CD2AP: variants seen among roughly 807,000 people sequenced by gnomAD.
CD2AP encodes the protein CD2 associated protein, also known as CD2-associated protein.
A neutral mutation model predicts 85.1 loss-of-function variants in CD2AP; 46 were observed. That is an observed-to-expected ratio of 0.54 (90% CI 0.43 to 0.69). The LOEUF (loss-of-function observed/expected upper bound fraction) is 0.69. Among genes scored for constraint, CD2AP ranks in the 30% least tolerant of loss-of-function variants. CD2AP has a pLI of 0.00. For synonymous variants in CD2AP, 255 were observed against 252.9 expected (o/e 1.01, Z -0.08); for missense variants, 769 against 729.5 (o/e 1.05, Z -0.62).
At chr6:47,491,618 A>G (rs1765738253) in intron 1 of CD2AP, among the ~76,000 whole-genome samples, 1 of 152,056 alleles carries the variant, frequency 6.6e-6, no homozygotes, top group Non-Finnish European at 1.5e-5. Flanking sequence ...ACTTATGCCT[A>G]TTTGGAATTT....
chr6:47,580,213 C>T lies in CD2AP; in HGVS notation c.1009-651C>T, dbSNP rs544665913. On this transcript the variant is annotated intron_variant, in intron 9 of 17. Transcript: ENST00000359314. ...TATTTTATAGTTTTACTAAAGAATA[C>T]GTTTTTCTGCTTTTATTATGTTTGT... Among the ~76,000 whole-genome samples the T allele has an allele frequency of 7.2e-5, 11 of 152,230 alleles. No homozygotes were observed. In the South Asian group the frequency reaches 1.9e-3, roughly 26 times the overall value.
chr6:47,577,102 A>T lies in CD2AP; in HGVS notation c.902A>T (p.Lys301Met), dbSNP rs141778404. The change falls in exon 8 of 18, where the codon AAG (lysine) becomes ATG (methionine). Residue 301 changes from lysine to methionine, a missense_variant and splice_region_variant. Transcript: ENST00000359314. ...KEGEIIHLISKETGEAGWWRG... is the reference protein window; with the variant it reads ...KEGEIIHLISMETGEAGWWRG... ...GGGGAGATAATCCATTTGATAAGTA[A>T]GGTAAGGTGTTTCTGTTTTTCAGTG... The T allele has an allele frequency of 1.9e-4, 279 of 1,465,330 alleles. 5 individuals carry two copies. The Middle Eastern group carries it at 0.018, about 93-fold the overall frequency. 90.8% of individuals were successfully genotyped at this position (1,465,330 alleles called of 1,614,324 possible). A position where few individuals can be genotyped will look rare whatever the true frequency, so the allele number is the denominator to read the frequency against.
intron 5 of CD2AP, among the ~76,000 whole-genome samples, chr6:47,559,599 T>G (rs1233537700): frequency 6.6e-6 from 1 of 152,098 alleles, no homozygotes; most frequent in African/African-American, 2.4e-5. Flanking sequence ...ATTTTAAAAT[T>G]TAATAGATGA....
intron 4 of CD2AP, among the ~76,000 whole-genome samples, chr6:47,550,622 A>T (rs1246749064): frequency 1.3e-5 from 2 of 152,224 alleles, no homozygotes; most frequent in East Asian, 3.8e-4. Context: ...TATGGAAAAC[A>T]GTGTGGAGAT....
At chr6:47,595,214 A>G (rs904777006) in intron 11 of CD2AP, among the ~76,000 whole-genome samples, 5 of 151,968 alleles carry the variant, frequency 3.3e-5, no homozygotes, top group African/African-American at 9.7e-5. Flanking sequence ...AAAATTGTCA[A>G]AATTGTTTTT....
intron 1 of CD2AP, among the ~76,000 whole-genome samples, chr6:47,498,558 T>G (rs1375377763): frequency 6.6e-6 from 1 of 152,194 alleles, no homozygotes; most frequent in East Asian, 1.9e-4. Context: ...TTGGATTGAT[T>G]GGGCCTTTTC....
intron 17 of CD2AP, among the ~76,000 whole-genome samples, chr6:47,623,462 C>T (rs530539247): frequency 2.2e-4 from 34 of 152,294 alleles, no homozygotes; most frequent in African/African-American, 7.9e-4. Flanking sequence ...TCCTGTGTCA[C>T]TTGTTAGTGT....
chr6:47,591,952 G>A (rs1190001695), intron 11 of CD2AP, among the ~76,000 whole-genome samples: 1 of 152,042 alleles, frequency 6.6e-6, no homozygotes, highest in Non-Finnish European at 1.5e-5. Context: ...GGCCTCCAGA[G>A]TAGCTGGGAC....
chr6:47,608,434 T>TTG (rs901009567), intron 15 of CD2AP, among the ~76,000 whole-genome samples: 1 of 152,138 alleles, frequency 6.6e-6, no homozygotes, highest in African/African-American at 2.4e-5. Flanking sequence ...CTTTCATCTG[T>TTG]TACATGTGTT....
chr6:47,600,490 A>G (rs1158342364), intron 13 of CD2AP, among the ~76,000 whole-genome samples: 1 of 151,930 alleles, frequency 6.6e-6, no homozygotes, highest in Non-Finnish European at 1.5e-5. Context: ...TTTCTGACTT[A>G]AAGTGTGGCC....
At chr6:47,483,425 G>T (rs1048347441) in intron 1 of CD2AP, among the ~76,000 whole-genome samples, 5 of 152,164 alleles carry the variant, frequency 3.3e-5, no homozygotes, top group African/African-American at 1.2e-4. Flanking sequence ...GGGGGAAAAG[G>T]GAGGAAATGG....
chr6:47,497,622 C>T (rs977673842), intron 1 of CD2AP, among the ~76,000 whole-genome samples: 1 of 152,090 alleles, frequency 6.6e-6, no homozygotes, highest in Non-Finnish European at 1.5e-5. Context: ...CCATGTTGCC[C>T]AGGCTGGTCT....
At chr6:47,585,140 T>TA (rs993329674) in intron 11 of CD2AP, among the ~76,000 whole-genome samples, 1,857 of 133,540 alleles carry the variant, frequency 0.014, 28 homozygotes, top group East Asian at 0.048. Flanking sequence ...AAAAATAAAA[T>TA]AAAAAAAAAA....
rs565555924 is a variant in CD2AP, at chr6:47,497,478, C to T, written c.5-5802C>T. Among the ~76,000 whole-genome samples the T allele has an allele frequency of 3.9e-4, 60 of 152,032 alleles. No homozygotes were observed. In the South Asian group the frequency reaches 0.011, roughly 29 times the overall value. On this transcript the variant is annotated intron_variant, in intron 1 of 17. Transcript: ENST00000359314. ...GTGCGATCTCTGCTCATTGCAGCCT[C>T]CACCTTCTGGACTCAAGCCATTCTC...
At chr6:47,561,081 T>G (rs4715031) in intron 5 of CD2AP, among the ~76,000 whole-genome samples, 144,966 of 152,254 alleles carry the variant, frequency 0.95, 69,404 homozygotes, top group East Asian at 1. Context: ...TGTATGATTT[T>G]GCTAGTGAGA....
At chr6:47,513,033 GAA>G (rs1182818111) in intron 2 of CD2AP, among the ~76,000 whole-genome samples, 1 of 152,132 alleles carries the variant, frequency 6.6e-6, no homozygotes, top group Non-Finnish European at 1.5e-5. Flanking sequence ...AGGACAATGA[GAA>G]AGTGTGTTAG....
chr6:47,623,730 G>A (rs1196002866), intron 17 of CD2AP, among the ~76,000 whole-genome samples: 3 of 152,070 alleles, frequency 2.0e-5, no homozygotes, highest in Admixed American at 6.6e-5. Flanking sequence ...TTGAAACCAA[G>A]TCAAGTGATT....
At chr6:47,611,602 ATT>A (rs963596222) in intron 16 of CD2AP, among the ~76,000 whole-genome samples, 1 of 151,654 alleles carries the variant, frequency 6.6e-6, no homozygotes, top group African/African-American at 2.4e-5. Flanking sequence ...TTCTTCATGA[ATT>A]TTTTCTTTTT....
At chr6:47,507,164 A>G (rs1766194559) in intron 2 of CD2AP, among the ~76,000 whole-genome samples, 1 of 152,278 alleles carries the variant, frequency 6.6e-6, no homozygotes, top group Admixed American at 6.5e-5. Flanking sequence ...ATGTTTTATC[A>G]CAAGGTTGCA....
Sources: gnomAD v4.1 joint callset for allele counts (sites outside exome capture counted in the v4.1 genomes callset) on GRCh38, gnomAD v4.1.1 for gene constraint, MANE v1.5 for transcripts, NCBI Gene and HGNC (gene_info 2026-07-23, HGNC 2026-07-21) for gene names.